PAN3: variants seen among roughly 807,000 people sequenced by gnomAD.
PAN3 encodes the protein poly(A) specific ribonuclease subunit PAN3.
PAN3 carries 19 observed loss-of-function variants against 96.2 expected under a neutral mutation model. The observed-to-expected ratio is 0.20, with a 90% CI of 0.14 to 0.29. PAN3 has a LOEUF of 0.29. Among genes scored for constraint, PAN3 ranks in the 10% least tolerant of loss-of-function variants. PAN3 has a pLI of 1.00. For missense variants in PAN3, 882 were observed against 1,108.1 expected (o/e 0.80, Z 2.90); for synonymous variants, 433 against 406.6 (o/e 1.06, Z -0.78).
At chr13:28,243,660 T>C (rs1296271301) in intron 6 of PAN3, among the ~76,000 whole-genome samples, 1 of 152,110 alleles carries the variant, frequency 6.6e-6, no homozygotes, top group Admixed American at 6.6e-5. Context: ...TGAGCCACTT[T>C]TAATTTCTAT....
chr13:28,177,480 G>A (rs976363019), intron 3 of PAN3, among the ~76,000 whole-genome samples: 4 of 152,064 alleles, frequency 2.6e-5, no homozygotes, highest in Non-Finnish European at 4.4e-5. Flanking sequence ...GGTTGACACT[G>A]CCCCCACCCC....
chr13:28,287,885 A>G (rs1869188732), intron 17 of PAN3, 99 bp from the exon 18 acceptor site: 2 of 1,232,042 alleles, frequency 1.6e-6, no homozygotes, highest in Admixed American at 2.8e-5. Flanking sequence ...TTTTTTGTTT[A>G]TTGGGAAAAA....
At chr13:28,167,203 G>A (rs914210039) in intron 1 of PAN3, among the ~76,000 whole-genome samples, 3 of 148,670 alleles carry the variant, frequency 2.0e-5, no homozygotes, top group African/African-American at 2.5e-5. Context: ...CCACACCCCC[G>A]TTTTTTATTT....
intron 1 of PAN3, among the ~76,000 whole-genome samples, chr13:28,144,997 C>T (rs945227370): frequency 1.9e-4 from 29 of 152,150 alleles, no homozygotes; most frequent in African/African-American, 5.5e-4. Flanking sequence ...GGACTACAGG[C>T]GTGAGCCACC....
chr13:28,295,077 A>G lies in PAN3; in HGVS notation c.*2555A>G, dbSNP rs771607707. ...CACAGAAAGGACAACCCTTGAAATCATGTAACGTTGGTCATTTCAATATTT... is the reference window on the plus strand; with the variant it reads ...CACAGAAAGGACAACCCTTGAAATCGTGTAACGTTGGTCATTTCAATATTT... On this transcript the variant is annotated 3_prime_UTR_variant, in exon 19 of 19. Transcript: ENST00000380958. 3 of 152,236 alleles carry G rather than the reference A, an allele frequency of 2.0e-5. No homozygotes were observed. Among genetic ancestry groups the G allele is most frequent in the Non-Finnish European group, 4.4e-5 (3 of 68,030 alleles). The allele number at this position is 152,236 out of a possible 1,614,324, so 9.4% of individuals were successfully genotyped here.
At chr13:28,144,119 AC>A (rs1387249293) in intron 1 of PAN3, among the ~76,000 whole-genome samples, 2 of 152,298 alleles carry the variant, frequency 1.3e-5, no homozygotes, top group South Asian at 4.1e-4. Context: ...AACAACAGCA[AC>A]AAAAAAACAT....
At chr13:28,281,197 G>GT in intron 16 of PAN3, 118 bp from the exon 17 acceptor site, 1 of 722,844 alleles carries the variant, frequency 1.4e-6, no homozygotes, top group South Asian at 1.6e-5. Context: ...AGGTGGGGAT[G>GT]TTAGGATTTA....
chr13:28,232,187 G>T (rs1882642056), intron 6 of PAN3, among the ~76,000 whole-genome samples: 1 of 152,172 alleles, frequency 6.6e-6, no homozygotes, highest in South Asian at 2.1e-4. Context: ...GCAACCCGGA[G>T]GCTGTAAAAA....
At chr13:28,172,374 T>C (rs1321049677) in intron 1 of PAN3, among the ~76,000 whole-genome samples, 2 of 152,090 alleles carry the variant, frequency 1.3e-5, no homozygotes, top group African/African-American at 4.8e-5. Flanking sequence ...GAGAATGGTG[T>C]GAACCCAGGG....
At chr13:28,238,920 G>T (rs1006811633) in intron 6 of PAN3, among the ~76,000 whole-genome samples, 1 of 151,358 alleles carries the variant, frequency 6.6e-6, no homozygotes, top group East Asian at 1.9e-4. Flanking sequence ...TTTTTTTTGG[G>T]TTTAGACATA....
rs114864098 is a variant in PAN3, at chr13:28,215,730, A to C, written c.853-4501A>C. On this transcript the variant is annotated intron_variant, in intron 5 of 18. Transcript: ENST00000380958. ...CGCCATTGTTGATATAGTTCCTGGC[A>C]AGCCCATGTGTGCTGAGAGCTTCTC... 1.5e-3 allele frequency: 2,308 copies of C among 1,502,048 alleles called. 42 individuals carry two copies. The African/African-American group carries it at 0.026, about 17-fold the overall frequency. The allele number at this position is 1,502,048 out of a possible 1,614,324, so 93.0% of individuals were successfully genotyped here.
intron 1 of PAN3, among the ~76,000 whole-genome samples, chr13:28,169,189 T>C (rs1048736211): frequency 1.3e-4 from 20 of 151,280 alleles, no homozygotes; most frequent in African/African-American, 4.6e-4. Context: ...TTAAAAGTAT[T>C]CTACATGCAT....
intron 6 of PAN3, among the ~76,000 whole-genome samples, chr13:28,237,418 T>TTA (rs1491451943): frequency 2.0e-5 from 3 of 152,140 alleles, no homozygotes; most frequent in Non-Finnish European, 4.4e-5. Flanking sequence ...TAAGACTTAA[T>TTA]TATCATTTCT....
At chr13:28,144,248 G>C (rs1486521442) in intron 1 of PAN3, among the ~76,000 whole-genome samples, 2 of 125,968 alleles carry the variant, frequency 1.6e-5, no homozygotes, top group Non-Finnish European at 3.1e-5. Context: ...ATGGAGTCTC[G>C]CTCTGTCTCC....
At position 28,271,985 on chromosome 13, in the gene PAN3, C is replaced by A; in HGVS notation, c.1963C>A (p.Arg655=). Residue 655 remains arginine, a synonymous_variant, in exon 14 of 19, where the codon CGA becomes AGA. Coordinates refer to ENST00000380958, the MANE Select transcript of PAN3 (RefSeq NM_175854.8). ...TAAATTATCTGGTCCTTAAAGGTTG[C>A]GAGTAAATTGTGTTGGAGTTTTTGA... The part of the protein sequence containing the change: ...KILITGKTRL[R]VNCVGVFDVL... 1.3e-6 allele frequency: 2 copies of A among 1,552,722 alleles called. No homozygotes were observed. The highest frequency in any genetic ancestry group is 8.7e-7 in the Non-Finnish European group (1 of 1,144,082).
At chr13:28,212,270 G>A (rs577380271) in intron 5 of PAN3, among the ~76,000 whole-genome samples, 1 of 152,288 alleles carries the variant, frequency 6.6e-6, no homozygotes, top group East Asian at 1.9e-4. Flanking sequence ...CAGTAGTGGG[G>A]CCAAATTAGC....
intron 5 of PAN3, among the ~76,000 whole-genome samples, chr13:28,218,670 T>G (rs766224714): frequency 2.6e-5 from 4 of 152,176 alleles, no homozygotes; most frequent in Non-Finnish European, 5.9e-5. Context: ...GTCTCAAAAA[T>G]AATAAAAATA....
At chr13:28,261,070 T>C (rs967752393) in intron 8 of PAN3, among the ~76,000 whole-genome samples, 1 of 152,190 alleles carries the variant, frequency 6.6e-6, no homozygotes, top group Admixed American at 6.5e-5. Context: ...GTTCTACCAG[T>C]ATAGTGTTTT....
chr13:28,166,964 C>T (rs145549416), intron 1 of PAN3, among the ~76,000 whole-genome samples: 1 of 152,274 alleles, frequency 6.6e-6, no homozygotes, highest in East Asian at 1.9e-4. Context: ...TAGGGAGTAG[C>T]AGCCTTGAAG....
Sources: allele counts gnomAD v4.1 joint callset (sites outside exome capture counted in the v4.1 genomes callset), GRCh38; gene constraint gnomAD v4.1.1; transcripts MANE v1.5; gene names NCBI Gene and HGNC (gene_info 2026-07-23, HGNC 2026-07-21).